The following GPT2 variants were observed in gnomAD, a reference collection of about 807,000 sequenced individuals.
GPT2 encodes the protein glutamic--pyruvic transaminase 2.
GPT2 carries 30 observed loss-of-function variants against 56.9 expected under a neutral mutation model. That is an observed-to-expected ratio of 0.53 (90% CI 0.39 to 0.72). The LOEUF (loss-of-function observed/expected upper bound fraction) is 0.72, where lower values mean the gene tolerates loss of function less well. GPT2 is among the 30% of genes least tolerant of loss of function. GPT2 has a pLI of 0.00. For synonymous variants in GPT2, 271 were observed against 283.1 expected (o/e 0.96, Z 0.43); for missense variants, 542 against 703.4 (o/e 0.77, Z 2.60).
At chr16:46,890,375 CCT>C (rs1960563253) in intron 2 of GPT2, among the ~76,000 whole-genome samples, 4 of 152,090 alleles carry the variant, frequency 2.6e-5, no homozygotes. Flanking sequence ...ACCTGCGGGT[CCT>C]CTCTCCCACA....
At chr16:46,901,944 G>C (rs796319992) in intron 4 of GPT2, among the ~76,000 whole-genome samples, 1 of 152,246 alleles carries the variant, frequency 6.6e-6, no homozygotes, top group Admixed American at 6.5e-5. Context: ...CGGCTTCCGG[G>C]CTCCTTTCCC....
At chr16:46,917,660 C>A (rs766056106) in intron 7 of GPT2, among the ~76,000 whole-genome samples, 3 of 152,084 alleles carry the variant, frequency 2.0e-5, no homozygotes, top group Admixed American at 6.6e-5. Context: ...GTCACCCCCC[C>A]ACACATGCCA....
chr16:46,889,714 T>C (rs1960551541), intron 2 of GPT2, among the ~76,000 whole-genome samples: 1 of 152,212 alleles, frequency 6.6e-6, no homozygotes, highest in Non-Finnish European at 1.5e-5. Context: ...TTCTGCAAAA[T>C]GTGACCAGTT....
chr16:46,922,236 C>T lies in GPT2; in HGVS notation c.1038-6C>T. ...GGTGGTCCTCTCCCTCTCTTTGGCC[C>T]TCCAGGTGTGGTTACAGAGGAGGCT... On this transcript the variant is annotated splice_polypyrimidine_tract_variant and splice_region_variant and intron_variant, in intron 8 of 11. Transcript: ENST00000340124. 1 of 1,613,476 alleles carries T rather than the reference C, an allele frequency of 6.2e-7. No individual in the cohort carries two copies. Among genetic ancestry groups the T allele is most frequent in the Non-Finnish European group, 8.5e-7 (1 of 1,179,812 alleles).
chr16:46,905,878 G>A (rs566807932), intron 4 of GPT2, among the ~76,000 whole-genome samples: 4 of 152,198 alleles, frequency 2.6e-5, no homozygotes, highest in African/African-American at 9.6e-5. Flanking sequence ...CCACTGCTCA[G>A]CTTCCAGGAC....
Position 46,924,279 on chromosome 16 carries a change from G to A in GPT2, c.1213-110G>A, listed in dbSNP as rs773669005. The A allele has an allele frequency of 5.5e-6, 7 of 1,261,912 alleles. No individual in the cohort carries two copies. The South Asian group carries it at 8.7e-5, about 16-fold the overall frequency. 78.2% of individuals were successfully genotyped at this position (1,261,912 alleles called of 1,614,324 possible). A position where few individuals can be genotyped will look rare whatever the true frequency, so the allele number is the denominator to read the frequency against. On this transcript the variant is annotated intron_variant, in intron 9 of 11. Coordinates refer to ENST00000340124, the MANE Select transcript of GPT2 (RefSeq NM_133443.4). ...CAGAGGGGACATGTGTTCAAAGCTG[G>A]AGCAAAGTCATCATCTGGGATTTCC...
rs1309090261 is a variant in GPT2 at position 46,910,393 on chromosome 16, A to AC, written c.820+466_820+467insC. On this transcript the variant is annotated intron_variant, in intron 6 of 11. Coordinates refer to ENST00000340124, the MANE Select transcript of GPT2 (RefSeq NM_133443.4). ...GAGACTCTGTCTCAAAAAAAAAAAA[A>AC]AAAAAAAAAAAAAAACTTAGCCAGG... Among the ~76,000 whole-genome samples the AC allele has an allele frequency of 2.7e-5, 4 of 149,708 alleles. No homozygotes were observed. In the East Asian group the frequency reaches 7.8e-4, roughly 29 times the overall value.
At position 46,916,857 on chromosome 16, in the gene GPT2, T is replaced by C. The variant is rs1961178328; in HGVS notation, c.900+150T>C. ...GGTGAGGATATTTAGTTTTACAACT[T>C]GTGGGACTGTGACTTAATTTACCCC... On this transcript the variant is annotated intron_variant, in intron 7 of 11. Coordinates refer to ENST00000340124, the MANE Select transcript of GPT2 (RefSeq NM_133443.4). 1.4e-5 allele frequency: 9 copies of C among 638,630 alleles called. No individual in the cohort carries two copies. The South Asian group carries it at 1.7e-4, about 12-fold the overall frequency. The allele number at this position is 638,630 out of a possible 1,614,324, so 39.6% of individuals were successfully genotyped here. A position where few individuals can be genotyped will look rare whatever the true frequency, so the allele number is the denominator to read the frequency against.
intron 4 of GPT2, among the ~76,000 whole-genome samples, chr16:46,901,695 C>T (rs1960820235): frequency 6.6e-6 from 1 of 152,058 alleles, no homozygotes; most frequent in Non-Finnish European, 1.5e-5. Flanking sequence ...CTTGTTGTCT[C>T]CATCTCCCGC....
At chr16:46,907,762 A>G (rs1435771419) in intron 5 of GPT2, among the ~76,000 whole-genome samples, 1 of 152,126 alleles carries the variant, frequency 6.6e-6, no homozygotes, top group Non-Finnish European at 1.5e-5. Context: ...TTTGAAGGAG[A>G]AGGAGGTGGA....
intron 2 of GPT2, among the ~76,000 whole-genome samples, chr16:46,894,208 G>T (rs1045865697): frequency 2.0e-5 from 3 of 152,236 alleles, no homozygotes; most frequent in East Asian, 3.8e-4. Context: ...GAGCAGTGCG[G>T]GGGGAGGGCA....
chr16:46,884,579 C>A, intron 1 of GPT2, 112 bp downstream of exon 1: 1 of 1,137,586 alleles, frequency 8.8e-7, no homozygotes, highest in Non-Finnish European at 1.1e-6. Flanking sequence ...GGCACCAGCG[C>A]CGAAGCCAGG....
At chr16:46,921,316 G>A (rs1596632691) in intron 8 of GPT2, among the ~76,000 whole-genome samples, 1 of 152,180 alleles carries the variant, frequency 6.6e-6, no homozygotes, top group Admixed American at 6.5e-5. Flanking sequence ...TAGGATTACA[G>A]GCATGCACCA....
intron 3 of GPT2, among the ~76,000 whole-genome samples, chr16:46,898,566 C>T (rs1424448423): frequency 6.6e-6 from 1 of 151,874 alleles, no homozygotes; most frequent in Non-Finnish European, 1.5e-5. Flanking sequence ...TGTTTTGTCG[C>T]CCAGGTTTGT....
At chr16:46,895,023 C>T (rs1049878586) in intron 2 of GPT2, among the ~76,000 whole-genome samples, 7 of 152,100 alleles carry the variant, frequency 4.6e-5, no homozygotes, top group African/African-American at 1.7e-4. Context: ...AGATGGGCCA[C>T]AAGGGGCTTA....
At chr16:46,927,327 G>C (rs972607460) in intron 11 of GPT2, among the ~76,000 whole-genome samples, 1 of 152,216 alleles carries the variant, frequency 6.6e-6, no homozygotes, top group Admixed American at 6.5e-5. Context: ...GTTCCTAGTA[G>C]GGTGTTTTCT....
At chr16:46,917,474 CG>C (rs1961191147) in intron 7 of GPT2, among the ~76,000 whole-genome samples, 1 of 152,200 alleles carries the variant, frequency 6.6e-6, no homozygotes, top group Admixed American at 6.5e-5. Flanking sequence ...GATCTTAACC[CG>C]GTACCTGTTG....
intron 2 of GPT2, among the ~76,000 whole-genome samples, chr16:46,895,302 A>G (rs540154599): frequency 6.6e-6 from 1 of 152,214 alleles, no homozygotes; most frequent in Non-Finnish European, 1.5e-5. Context: ...AGGTGGGCCA[A>G]TCATTTGTGC....
At chr16:46,928,456 C>T (rs1411277316) in intron 11 of GPT2, among the ~76,000 whole-genome samples, 1 of 152,036 alleles carries the variant, frequency 6.6e-6, no homozygotes, top group Non-Finnish European at 1.5e-5. Context: ...AACCCCGTCT[C>T]TTCTAAAAAT....
Sources: gnomAD v4.1 joint callset for allele counts (sites outside exome capture counted in the v4.1 genomes callset) on GRCh38, gnomAD v4.1.1 for gene constraint, MANE v1.5 for transcripts, NCBI Gene and HGNC (gene_info 2026-07-23, HGNC 2026-07-21) for gene names.